The following AMY2B variants were observed in gnomAD, a reference collection of about 807,000 sequenced individuals.
AMY2B encodes amylase alpha 2B, also known as alpha-amylase 2B.
A neutral mutation model predicts 59.3 loss-of-function variants in AMY2B; 63 were observed. The ratio of observed to expected loss-of-function variants is 1.06; its 90% CI spans 0.87 to 1.31. AMY2B has a LOEUF of 1.31. AMY2B is among the 50% of genes most tolerant of loss of function. AMY2B has a pLI of 0.00. For synonymous variants in AMY2B, 180 were observed against 198.1 expected, an observed-to-expected ratio of 0.91 and a Z score of 0.77; for missense variants, 635 against 626.7, an observed-to-expected ratio of 1.01 and a Z score of -0.14.
upstream of AMY2B, among the ~76,000 whole-genome samples, chr1:103,566,667 G>A (rs1203397726): frequency 6.6e-6 from 1 of 152,144 alleles, no homozygotes; most frequent in Non-Finnish European, 1.5e-5. Context: ...AGAAACATTA[G>A]TGTAGTACAG....
chr1:103,574,310 T>A lies in AMY2B; in HGVS notation c.795T>A (p.Asn265Lys), dbSNP rs1459722379. The A allele has an allele frequency of 5.0e-6, 8 of 1,611,820 alleles. No individual in the cohort carries two copies. The highest frequency in any genetic ancestry group is 6.8e-6 in the Non-Finnish European group (8 of 1,179,732). The change falls in exon 5 of 10, where the codon AAT (asparagine) becomes AAA (lysine). Residue 265 changes from asparagine to lysine, a missense_variant. Asn to Lys is a moderately conservative substitution (Grantham distance 94). Transcript: ENST00000684275. ...EPIKSSDYFG[N>K]GRVTEFKYGA... ...TTAAAAGCAGTGACTACTTTGGAAA[T>A]GGCCGGGTGACAGAATTCAAGTATG...
rs746280196 is a variant in AMY2B, at chr1:103,573,719, T to C, written c.525T>C (p.Cys175=). 3 of 1,613,574 alleles carry C rather than the reference T, an allele frequency of 1.9e-6. No individual in the cohort carries two copies. Among genetic ancestry groups the C allele is most frequent in the Non-Finnish European group, 2.5e-6 (3 of 1,179,654 alleles). ...TTTTACCTCAACAGGTCAGAGATTG[T>C]CGTCTGGTTGGTCTTCTTGATCTTG... ...NYNDATQVRD[C]RLVGLLDLAL... Residue 175 remains cysteine (C), a synonymous_variant, in exon 4 of 10, where the codon TGT becomes TGC. Coordinates refer to ENST00000684275, the MANE Select transcript of AMY2B (RefSeq NM_001387437.1).
At chr1:103,555,537 C>T (rs1651521563) in intron 1 of AMY2B, among the ~76,000 whole-genome samples, 2 of 151,986 alleles carry the variant, frequency 1.3e-5, no homozygotes, top group South Asian at 4.1e-4. Context: ...TTTTGTTCCC[C>T]CAAATCTTTC....
Position 103,565,750 on chromosome 1 carries a change from T to C in AMY2B, c.-47+156T>C, listed in dbSNP as rs1308334721. Among the ~76,000 whole-genome samples, 4 of 152,192 alleles carry C rather than the reference T, an allele frequency of 2.6e-5. No individual in the cohort carries two copies. In the South Asian group the frequency reaches 6.2e-4, roughly 24 times the overall value. The stretch of plus-strand genomic sequence containing the variant: ...CCATAGTCTTTGTAGAGAGAGACTT[T>C]ATATAGGTATGGATACTGGGAAGTG... On this transcript the variant is annotated intron_variant, in intron 2 of 11. Transcript: ENST00000361355.
At chr1:103,557,394 T>C (rs749238221) in intron 1 of AMY2B, among the ~76,000 whole-genome samples, 2 of 152,152 alleles carry the variant, frequency 1.3e-5, no homozygotes, top group Non-Finnish European at 1.5e-5. Flanking sequence ...CTCACGGCTG[T>C]AATCCCAGCA....
chr1:103,566,479 G>A (rs980583539), intron 2 of AMY2B, among the ~76,000 whole-genome samples: 1 of 152,098 alleles, frequency 6.6e-6, no homozygotes, highest in South Asian at 2.1e-4. Context: ...ATCACAGTAT[G>A]TTATTTCAAC....
At chr1:103,568,155 T>C (rs1405513139), upstream of AMY2B, among the ~76,000 whole-genome samples, 1 of 152,240 alleles carries the variant, frequency 6.6e-6, no homozygotes, top group East Asian at 1.9e-4. Context: ...ATGTAAGTTC[T>C]CTGAGAACAG....
At chr1:103,563,243 T>C (rs1200653992) in intron 1 of AMY2B, among the ~76,000 whole-genome samples, 4 of 152,102 alleles carry the variant, frequency 2.6e-5, no homozygotes, top group East Asian at 3.8e-4. Context: ...TCCCAAGATA[T>C]GTCATTTGGC....
At chr1:103,564,106 A>C (rs911300158) in intron 1 of AMY2B, among the ~76,000 whole-genome samples, 5 of 152,192 alleles carry the variant, frequency 3.3e-5, no homozygotes, top group African/African-American at 1.2e-4. Flanking sequence ...TTGAGCTTTT[A>C]CCATATCCAT....
rs571139147 is a variant in AMY2B at position 103,575,056 on chromosome 1, G to T, written c.879-167G>T. 5.9e-5 allele frequency among the ~76,000 whole-genome samples: 6 copies of T among 101,516 alleles called. No homozygotes were observed. The East Asian group carries it at 1.4e-3, about 23-fold the overall frequency. The allele number at this position is 101,516 out of a possible 152,430, so 66.6% of individuals were successfully genotyped here. A position where few individuals can be genotyped will look rare whatever the true frequency, so the allele number is the denominator to read the frequency against. On this transcript the variant is annotated intron_variant, in intron 5 of 9. Transcript: ENST00000684275. ...TATTTGAGTGTGTGTTTGTGTGTGTGTATGTATATATATATATATATATAT... is the reference window on the plus strand; with the variant it reads ...TATTTGAGTGTGTGTTTGTGTGTGTTTATGTATATATATATATATATATAT...
chr1:103,555,301 A>AT (rs1341207641), intron 1 of AMY2B: 4 of 151,566 alleles, frequency 2.6e-5, no homozygotes, highest in African/African-American at 7.2e-5. Flanking sequence ...TATTATAAAA[A>AT]ATATATATAA....
intron 1 of AMY2B, among the ~76,000 whole-genome samples, chr1:103,562,301 G>T (rs895460118): frequency 1.3e-5 from 2 of 152,156 alleles, no homozygotes; most frequent in African/African-American, 2.4e-5. Flanking sequence ...AGGTTTCTCT[G>T]ATTTCAGAGA....
At chr1:103,564,363 A>G (rs971394119) in intron 1 of AMY2B, among the ~76,000 whole-genome samples, 1 of 152,050 alleles carries the variant, frequency 6.6e-6, no homozygotes, top group Non-Finnish European at 1.5e-5. Flanking sequence ...TCTTTACACC[A>G]TCAGCCCTGT....
intron 7 of AMY2B, among the ~76,000 whole-genome samples, chr1:103,577,122 T>C (rs1268641739): frequency 6.6e-6 from 1 of 152,052 alleles, no homozygotes; most frequent in Non-Finnish European, 1.5e-5. Flanking sequence ...CCAACAGTCT[T>C]AGCTACTTAG....
chr1:103,569,452 A>G (rs1652031689), upstream of AMY2B: 1 of 226,240 alleles, frequency 4.4e-6, no homozygotes, highest in Non-Finnish European at 8.9e-6. Context: ...AGAGGTTTAA[A>G]AAGGTTAAGA....
At chr1:103,576,072 A>T (rs1652341695) in intron 7 of AMY2B, among the ~76,000 whole-genome samples, 1 of 152,214 alleles carries the variant, frequency 6.6e-6, no homozygotes, top group Non-Finnish European at 1.5e-5. Context: ...GTATTCCAAG[A>T]AAGGTAAGAA....
chr1:103,569,779 G>A, upstream of AMY2B: 1 of 442,580 alleles, frequency 2.3e-6, no homozygotes, highest in Admixed American at 2.5e-5. Flanking sequence ...ATGGTATCAT[G>A]ACCAACTGGG....
intron 1 of AMY2B, 22 bp from the exon 2 acceptor site, chr1:103,572,088 A>T (rs780112751): frequency 9.3e-6 from 15 of 1,611,550 alleles, no homozygotes; most frequent in Non-Finnish European, 1.3e-5. Flanking sequence ...TTTGGTAGTT[A>T]TGAAGACTGT....
At chr1:103,574,529 G>T in intron 5 of AMY2B, 136 bp downstream of exon 5, 1 of 1,523,768 alleles carries the variant, frequency 6.6e-7, no homozygotes, top group Non-Finnish European at 8.8e-7. Context: ...GTATTCTAGT[G>T]CCCTAAACTC....
Sources: allele counts gnomAD v4.1 joint callset (sites outside exome capture counted in the v4.1 genomes callset), GRCh38; gene constraint gnomAD v4.1.1; transcripts MANE v1.5; gene names NCBI Gene and HGNC (gene_info 2026-07-23, HGNC 2026-07-21).